The following SAMHD1 variants were observed in gnomAD, a reference collection of about 807,000 sequenced individuals.
The protein encoded by SAMHD1 is deoxynucleoside triphosphate triphosphohydrolase SAMHD1.
In SAMHD1, 54 loss-of-function variants were observed where a neutral mutation model predicts 79.6. The observed-to-expected ratio is 0.68, with a 90% CI of 0.55 to 0.85. The LOEUF (loss-of-function observed/expected upper bound fraction) is 0.85, where lower values mean the gene tolerates loss of function less well. Ranked by LOEUF, SAMHD1 falls within the 40% of genes least tolerant of loss-of-function variation. SAMHD1 has a pLI of 0.00. For synonymous variants in SAMHD1, 260 were observed against 264.1 expected (o/e 0.98, Z 0.15); for missense variants, 663 against 782.7 (o/e 0.85, Z 1.82).
At chr20:36,935,475 G>T in intron 3 of SAMHD1, 1 of 407,384 alleles carries the variant, frequency 2.5e-6, no homozygotes, top group Non-Finnish European at 4.5e-6. Context: ...TCTTTAATAA[G>T]TTTGTCTTGT....
At chr20:36,947,253 A>C (rs1325796993) in intron 1 of SAMHD1, among the ~76,000 whole-genome samples, 2 of 151,754 alleles carry the variant, frequency 1.3e-5, no homozygotes, top group Non-Finnish European at 2.9e-5. Context: ...AGAGTGCTTA[A>C]AGTGTTGATT....
chr20:36,918,288 A>G (rs1226782457), intron 7 of SAMHD1, among the ~76,000 whole-genome samples: 2 of 151,876 alleles, frequency 1.3e-5, no homozygotes, highest in East Asian at 1.9e-4. Context: ...AAACATACAC[A>G]TTTACATTCC....
chr20:36,941,071 G>T lies in SAMHD1; in HGVS notation c.316C>A (p.Arg106=), dbSNP rs779028596. Residue 106 remains arginine, a synonymous_variant, in exon 3 of 16, where the codon CGA becomes AGA. Transcript: ENST00000646673. ...ERKKLLSYIQ[R]LVQIHVDTMK... Reference sequence around the variant, plus strand: ...GTATCAACGTGGATTTGAACCAATCGCTGGATATAACTAAGCAGCTTCTTC... The same window carrying T: ...GTATCAACGTGGATTTGAACCAATCTCTGGATATAACTAAGCAGCTTCTTC... The T allele has an allele frequency of 1.9e-6, 3 of 1,613,270 alleles. No individual in the cohort carries two copies. The highest frequency in any genetic ancestry group is 4.5e-5 in the East Asian group (2 of 44,826).
At chr20:36,947,381 A>G (rs1295530105) in intron 1 of SAMHD1, among the ~76,000 whole-genome samples, 3 of 80,044 alleles carry the variant, frequency 3.7e-5, no homozygotes, top group Admixed American at 3.9e-4. Context: ...TCTGATTTGG[A>G]AGAGGTGTGT....
At chr20:36,911,949 G>A (rs1239406542) in intron 10 of SAMHD1, 2 of 181,626 alleles carry the variant, frequency 1.1e-5, no homozygotes, top group Non-Finnish European at 2.3e-5. Context: ...AGACCTGGCT[G>A]TACAGTTTTC....
At chr20:36,893,465 T>C in intron 15 of SAMHD1, 1 of 295,350 alleles carries the variant, frequency 3.4e-6, no homozygotes, top group Non-Finnish European at 6.3e-6. Context: ...GTCTACAAGA[T>C]GGCAAAGAAG....
intron 3 of SAMHD1, among the ~76,000 whole-genome samples, chr20:36,937,368 TATAAATTGGATTAC>T (rs1033502775): frequency 3.3e-5 from 5 of 151,828 alleles, no homozygotes; most frequent in Admixed American, 6.6e-5. Context: ...ACAAAAAAAA[TATAAATTGGATTAC>T]ATAAAAACTT....
At chr20:36,894,766 CA>C (rs892995430) in intron 15 of SAMHD1, among the ~76,000 whole-genome samples, 9 of 151,466 alleles carry the variant, frequency 5.9e-5, no homozygotes, top group African/African-American at 2.2e-4. Flanking sequence ...GACTCTGTCT[CA>C]AAAAAAAGTC....
At position 36,939,075 on chromosome 20, in the gene SAMHD1, C is replaced by CAAAAAAAAAAAAAAA. The variant is rs1178988134; in HGVS notation, c.348+1949_348+1963dup. Among the ~76,000 whole-genome samples the CAAAAAAAAAAAAAAA allele has an allele frequency of 9.3e-4, 21 of 22,532 alleles. 1 individual carries two copies. The highest frequency in any genetic ancestry group is 3.5e-3 in the South Asian group (1 of 288). 14.8% of individuals were successfully genotyped at this position (22,532 alleles called of 152,430 possible). ...GAAACCTTGCCTCTACTAAAAATAC[C>CAAAAAAAAAAAAAAA]AAAAAAAAAAAAAAAAAAAAAAAAA... On this transcript the variant is annotated intron_variant, in intron 3 of 15. Transcript: ENST00000646673.
intron 6 of SAMHD1, among the ~76,000 whole-genome samples, chr20:36,922,566 G>C (rs1455364038): frequency 6.6e-6 from 1 of 152,152 alleles, no homozygotes; most frequent in African/African-American, 2.4e-5. Flanking sequence ...ATTTTGTAGA[G>C]ACAGTTTCAC....
intron 2 of SAMHD1, among the ~76,000 whole-genome samples, chr20:36,942,903 G>A (rs866383242): frequency 2.6e-5 from 4 of 152,158 alleles, no homozygotes; most frequent in Middle Eastern, 3.4e-3. Flanking sequence ...TGATCCGCCC[G>A]CCTCGGCCTC....
chr20:36,893,570 G>A (rs1990133335), intron 15 of SAMHD1: 1 of 287,442 alleles, frequency 3.5e-6, no homozygotes, highest in Admixed American at 4.8e-5. Context: ...AGCCAAAGAA[G>A]CTCCTCCACC....
chr20:36,911,444 T>G lies in SAMHD1; in HGVS notation c.1155-111A>C, dbSNP rs572826545. The G allele has an allele frequency of 2.8e-5, 20 of 726,956 alleles. 1 individual carries two copies. In the South Asian group the frequency reaches 2.9e-4, roughly 11 times the overall value. The allele number at this position is 726,956 out of a possible 1,614,324, so 45.0% of individuals were successfully genotyped here. A position where few individuals can be genotyped will look rare whatever the true frequency, so the allele number is the denominator to read the frequency against. ...AGGGAAACAAAATAATGAGGCACAG[T>G]GTTCTAAAGACAACTGCTTCTCCAC... On this transcript the variant is annotated intron_variant, in intron 10 of 15. Coordinates refer to ENST00000646673, the MANE Select transcript of SAMHD1 (RefSeq NM_015474.4).
At chr20:36,925,980 G>A (rs2063533774) in intron 6 of SAMHD1, among the ~76,000 whole-genome samples, 1 of 152,052 alleles carries the variant, frequency 6.6e-6, no homozygotes, top group South Asian at 2.1e-4. Context: ...TTACCTAAGT[G>A]AAATGAAAAT....
In SAMHD1 at chr20:36,951,618, G is replaced by A; in HGVS notation, c.26C>T (p.Pro9Leu). 1.2e-6 allele frequency: 2 copies of A among 1,614,008 alleles called. No homozygotes were observed. Among genetic ancestry groups the A allele is most frequent in the Non-Finnish European group, 8.5e-7 (1 of 1,179,990 alleles). Residue 9 changes from proline to leucine, a missense_variant, in exon 1 of 16, where the codon CCC (proline) becomes CTC (leucine). Transcript: ENST00000646673. ...GTCATCGCAACGGGGACGCTTGGAG[G>A]GCTGCTCGGAATCGGCTCGCTGCAT... Reference protein sequence around the residue: MQRADSEQPSKRPRCDDSP... With the variant: MQRADSEQLSKRPRCDDSP...
At chr20:36,900,328 C>T (rs1990280231) in intron 13 of SAMHD1, among the ~76,000 whole-genome samples, 1 of 151,804 alleles carries the variant, frequency 6.6e-6, no homozygotes, top group South Asian at 2.1e-4. Flanking sequence ...ACACTGCAAC[C>T]TCTGCCTCCC....
At position 36,905,505 on chromosome 20, in the gene SAMHD1, T is replaced by G. The variant is rs1473874262; in HGVS notation, c.1271-2A>C. 6.2e-7 allele frequency: 1 copy of G among 1,600,208 alleles called. No homozygotes were observed. Among genetic ancestry groups the G allele is most frequent in the African/African-American group, 1.3e-5 (1 of 74,654 alleles). ...ATAAAATCTCCAGAAAAATGTTATC[T>G]GCCAATTTAATGACATTTCAGTTAT... On this transcript the variant is annotated splice_acceptor_variant, in intron 11 of 15. Transcript: ENST00000646673. LOFTEE classifies it high-confidence loss of function.
intron 4 of SAMHD1, among the ~76,000 whole-genome samples, chr20:36,932,333 A>G (rs1601142225): frequency 7.2e-6 from 1 of 139,772 alleles, no homozygotes; most frequent in African/African-American, 2.6e-5. Flanking sequence ...CCTGGGCAAC[A>G]AGAGCGAAAC....
intron 4 of SAMHD1, among the ~76,000 whole-genome samples, chr20:36,933,931 A>G (rs1395470532): frequency 6.6e-6 from 1 of 151,808 alleles, no homozygotes; most frequent in Non-Finnish European, 1.5e-5. Context: ...CTGTAATCCC[A>G]GCTACTTGGG....
Sources: gnomAD v4.1 joint callset for allele counts (sites outside exome capture counted in the v4.1 genomes callset) on GRCh38, gnomAD v4.1.1 for gene constraint, MANE v1.5 for transcripts, NCBI Gene and HGNC (gene_info 2026-07-23, HGNC 2026-07-21) for gene names.